Variants in ELOVL6 observed in about 807,000 individuals in gnomAD.
The protein encoded by ELOVL6 is very long chain fatty acid elongase 6.
In ELOVL6, 8 loss-of-function variants were observed where a neutral mutation model predicts 31.7. That is an observed-to-expected ratio of 0.25 (90% CI 0.15 to 0.45). The LOEUF (loss-of-function observed/expected upper bound fraction) is 0.45, where lower values mean the gene tolerates loss of function less well. ELOVL6 is among the 20% of genes least tolerant of loss of function. The probability of loss-of-function intolerance (pLI) is 1.00; values close to 1 mark genes in which losing one functional copy is unlikely to be tolerated. For missense variants in ELOVL6, 126 were observed against 326.4 expected, an observed-to-expected ratio of 0.39 and a Z score of 4.73; for synonymous variants, 101 against 117.7, an observed-to-expected ratio of 0.86 and a Z score of 0.92.
intron 2 of ELOVL6, among the ~76,000 whole-genome samples, chr4:110,083,160 C>A (rs183013881): frequency 6.6e-6 from 1 of 151,822 alleles, no homozygotes; most frequent in East Asian, 1.9e-4. Context: ...TCAATTTTCA[C>A]AAAACCCATA....
intron 1 of ELOVL6, among the ~76,000 whole-genome samples, chr4:110,178,803 G>A (rs984775261): frequency 3.3e-5 from 5 of 152,010 alleles, no homozygotes; most frequent in African/African-American, 4.8e-5. Context: ...CAGCAGCCTC[G>A]GTGACAGAGA....
chr4:110,189,468 T>C (rs1210540568), intron 1 of ELOVL6, among the ~76,000 whole-genome samples: 2 of 151,066 alleles, frequency 1.3e-5, no homozygotes, highest in African/African-American at 2.4e-5. Context: ...GTGCCTGTAA[T>C]CCCAGCTACT....
intron 1 of ELOVL6, among the ~76,000 whole-genome samples, chr4:110,110,492 C>T (rs897987546): frequency 6.7e-6 from 1 of 149,096 alleles, no homozygotes; most frequent in Non-Finnish European, 1.5e-5. Flanking sequence ...ACTGCAGCCT[C>T]AGCCTCCAGG....
chr4:110,146,244 A>C (rs1455123614), intron 1 of ELOVL6: 1 of 152,228 alleles, frequency 6.6e-6, no homozygotes, highest in Admixed American at 6.5e-5. Context: ...TGAGGAAAGG[A>C]TAATCTTCAA....
intron 3 of ELOVL6, among the ~76,000 whole-genome samples, chr4:110,056,042 T>A (rs1754971966): frequency 6.7e-6 from 1 of 149,762 alleles, no homozygotes. Flanking sequence ...TGGAAGTTGA[T>A]GGAGTAATGG....
At chr4:110,128,041 CAA>C (rs372209158) in intron 1 of ELOVL6, among the ~76,000 whole-genome samples, 37 of 119,596 alleles carry the variant, frequency 3.1e-4, no homozygotes, top group Admixed American at 3.5e-4. Context: ...GATCCTGTCT[CAA>C]AAAAAAAAAA....
intron 1 of ELOVL6, among the ~76,000 whole-genome samples, chr4:110,106,314 G>C (rs1756888810): frequency 6.6e-6 from 1 of 152,154 alleles, no homozygotes; most frequent in South Asian, 2.1e-4. Flanking sequence ...AGATTTTTGA[G>C]ACTCCATCTC....
intron 1 of ELOVL6, among the ~76,000 whole-genome samples, chr4:110,185,335 G>C (rs1212620263): frequency 2.0e-5 from 3 of 148,374 alleles, no homozygotes; most frequent in Non-Finnish European, 4.5e-5. Context: ...TGTATGTACA[G>C]TAGGAGCTTT....
intron 2 of ELOVL6, among the ~76,000 whole-genome samples, chr4:110,079,622 C>G (rs924461437): frequency 6.6e-6 from 1 of 151,926 alleles, no homozygotes; most frequent in Non-Finnish European, 1.5e-5. Context: ...GCACTAAATG[C>G]CCACAAGAGA....
intron 2 of ELOVL6, among the ~76,000 whole-genome samples, chr4:110,080,285 C>T (rs1256847801): frequency 6.6e-6 from 1 of 151,884 alleles, no homozygotes; most frequent in Non-Finnish European, 1.5e-5. Flanking sequence ...AGAAACAAAA[C>T]AAAAAAAGAG....
Position 110,070,555 on chromosome 4 carries a change from C to T in ELOVL6, c.222-10801G>A, listed in dbSNP as rs11944178. Among the ~76,000 whole-genome samples, 525 of 152,296 alleles carry T rather than the reference C, an allele frequency of 3.4e-3. 2 individuals are homozygous for T. The highest frequency in any genetic ancestry group is 0.012 in the African/African-American group (503 of 41,564). ...ATCTCACAGTCCTAGGTAGGTTTCACGTTCTCATGAGGAAACCAAACATTT... is the reference window on the plus strand; with the variant it reads ...ATCTCACAGTCCTAGGTAGGTTTCATGTTCTCATGAGGAAACCAAACATTT... On this transcript the variant is annotated intron_variant, in intron 2 of 3. Coordinates refer to ENST00000302274, the MANE Select transcript of ELOVL6 (RefSeq NM_024090.3).
chr4:110,063,587 T>G (rs573276312), intron 2 of ELOVL6, among the ~76,000 whole-genome samples: 1 of 152,274 alleles, frequency 6.6e-6, no homozygotes, highest in East Asian at 1.9e-4. Context: ...AGGCTGTTGG[T>G]ATAGAAAAGC....
intron 2 of ELOVL6, among the ~76,000 whole-genome samples, chr4:110,096,066 A>T (rs916614808): frequency 1.3e-5 from 2 of 152,198 alleles, no homozygotes; most frequent in African/African-American, 4.8e-5. Flanking sequence ...TAAAAATAAG[A>T]ATTTGTTAGC....
At chr4:110,082,806 T>A (rs953594954) in intron 2 of ELOVL6, among the ~76,000 whole-genome samples, 1 of 152,204 alleles carries the variant, frequency 6.6e-6, no homozygotes, top group African/African-American at 2.4e-5. Flanking sequence ...TCACAGCGCA[T>A]CCCTGTCAAG....
chr4:110,062,924 A>G (rs1316184364), intron 2 of ELOVL6, among the ~76,000 whole-genome samples: 6 of 152,190 alleles, frequency 3.9e-5, no homozygotes, highest in Non-Finnish European at 7.3e-5. Context: ...TCATCGTATG[A>G]ATTTTTTGAA....
chr4:110,131,622 A>G (rs1757672013), intron 1 of ELOVL6, among the ~76,000 whole-genome samples: 1 of 152,186 alleles, frequency 6.6e-6, no homozygotes, highest in South Asian at 2.1e-4. Context: ...CAAGAAAAAA[A>G]TTTTAAAAAC....
intron 1 of ELOVL6, among the ~76,000 whole-genome samples, chr4:110,143,892 C>A (rs1758033725): frequency 6.6e-6 from 1 of 151,740 alleles, no homozygotes; most frequent in Non-Finnish European, 1.5e-5. Flanking sequence ...TCCATCTCTA[C>A]TAAAAATACA....
chr4:110,075,106 C>T (rs1755593222), intron 2 of ELOVL6, among the ~76,000 whole-genome samples: 1 of 151,820 alleles, frequency 6.6e-6, no homozygotes, highest in African/African-American at 2.4e-5. Flanking sequence ...TGGCTACTAT[C>T]AAAAAAATGA....
chr4:110,060,586 G>C (rs967029312), intron 2 of ELOVL6, among the ~76,000 whole-genome samples: 2 of 152,182 alleles, frequency 1.3e-5, no homozygotes, highest in Non-Finnish European at 2.9e-5. Flanking sequence ...AGGAAGTTCT[G>C]GAACACATTA....
Sources: gnomAD v4.1 joint callset for allele counts (sites outside exome capture counted in the v4.1 genomes callset) on GRCh38, gnomAD v4.1.1 for gene constraint, MANE v1.5 for transcripts, NCBI Gene and HGNC (gene_info 2026-07-23, HGNC 2026-07-21) for gene names.